PLCB1: variants seen among roughly 807,000 people sequenced by gnomAD.
The protein encoded by PLCB1 is phospholipase C beta 1, also known as 1-phosphatidylinositol 4,5-bisphosphate phosphodiesterase beta-1.
A neutral mutation model predicts 161.8 loss-of-function variants in PLCB1; 46 were observed. The observed-to-expected ratio is 0.28, with a 90% CI of 0.22 to 0.36. The LOEUF (loss-of-function observed/expected upper bound fraction) is 0.36. Ranked by LOEUF, PLCB1 falls within the 10% of genes least tolerant of loss-of-function variation. The pLI, the probability that PLCB1 is intolerant of heterozygous loss-of-function variation, is 1.00. For missense variants in PLCB1, 1,016 were observed against 1,472.5 expected, an observed-to-expected ratio of 0.69 and a Z score of 5.07; for synonymous variants, 517 against 503.7, an observed-to-expected ratio of 1.03 and a Z score of -0.35.
intron 31 of PLCB1, among the ~76,000 whole-genome samples, chr20:8,820,512 A>G (rs1985290120): frequency 6.6e-6 from 1 of 152,162 alleles, no homozygotes. Flanking sequence ...TGCATCTGGG[A>G]CAACTGTAAA....
At chr20:8,418,730 T>A (rs899116788) in intron 3 of PLCB1, among the ~76,000 whole-genome samples, 1 of 152,162 alleles carries the variant, frequency 6.6e-6, no homozygotes, top group African/African-American at 2.4e-5. Flanking sequence ...ATGGACTTAT[T>A]TAATGGTAGT....
intron 2 of PLCB1, among the ~76,000 whole-genome samples, chr20:8,305,149 GTTAA>G (rs1056875317): frequency 1.2e-4 from 18 of 152,114 alleles, no homozygotes; most frequent in African/African-American, 4.1e-4. Context: ...TAATTATGTT[GTTAA>G]TTAAGAACAC....
Position 8,371,385 on chromosome 20 carries a change from A to G in PLCB1, c.181A>G (p.Thr61Ala), listed in dbSNP as rs781721863. 9.3e-6 allele frequency: 15 copies of G among 1,611,500 alleles called. No individual in the cohort carries two copies. Among genetic ancestry groups the G allele is most frequent in the Non-Finnish European group, 1.2e-5 (14 of 1,178,240 alleles). The change falls in exon 3 of 32, where the codon ACA becomes GCA. Residue 61 changes from threonine (T) to alanine (A), a missense_variant. By Grantham distance (58) the Thr-to-Ala change is moderately conservative. Transcript: ENST00000338037. The stretch of plus-strand genomic sequence containing the variant: ...ATTTCACGTTTTTGCCTTCCAGGAG[A>G]CAGAGCTACTGGATCTCAGCCTTGT... ...FFYWTDQNKE[T>A]ELLDLSLVKD...
intron 12 of PLCB1, among the ~76,000 whole-genome samples, chr20:8,709,856 G>A (rs1978896989): frequency 6.6e-6 from 1 of 152,112 alleles, no homozygotes; most frequent in African/African-American, 2.4e-5. Context: ...ACGCTTCTGA[G>A]GGTCAAAGGA....
intron 3 of PLCB1, among the ~76,000 whole-genome samples, chr20:8,554,034 C>T (rs1985865836): frequency 6.7e-6 from 1 of 150,096 alleles, no homozygotes; most frequent in South Asian, 2.1e-4. Context: ...TTTAACTCCA[C>T]AAAAGTCATT....
chr20:8,662,896 A>C (rs1339727173), intron 9 of PLCB1, among the ~76,000 whole-genome samples: 2 of 152,004 alleles, frequency 1.3e-5, no homozygotes, highest in Non-Finnish European at 2.9e-5. Flanking sequence ...TACAGACTTT[A>C]AAACTTTAAA....
intron 3 of PLCB1, among the ~76,000 whole-genome samples, chr20:8,402,676 T>C (rs1455062195): frequency 1.1e-5 from 1 of 94,322 alleles, no homozygotes; most frequent in African/African-American, 4.1e-5. Context: ...CTACTAAAAA[T>C]ACAAAAAAAA....
At chr20:8,719,308 G>A (rs776371050) in intron 14 of PLCB1, among the ~76,000 whole-genome samples, 8 of 152,118 alleles carry the variant, frequency 5.3e-5, no homozygotes, top group South Asian at 2.1e-4. Context: ...CCATTCCTAG[G>A]TATATGCTTG....
At chr20:8,199,010 T>A (rs1200002570) in intron 2 of PLCB1, among the ~76,000 whole-genome samples, 1 of 151,246 alleles carries the variant, frequency 6.6e-6, no homozygotes, top group African/African-American at 2.4e-5. Context: ...ACATCTTAAT[T>A]TGCGGGAACA....
At chr20:8,457,683 C>T (rs1981377044) in intron 3 of PLCB1, among the ~76,000 whole-genome samples, 1 of 151,180 alleles carries the variant, frequency 6.6e-6, no homozygotes, top group Non-Finnish European at 1.5e-5. Context: ...TATTCAAAGT[C>T]ATCTCCTACT....
chr20:8,264,079 A>C (rs1364458354), intron 2 of PLCB1, among the ~76,000 whole-genome samples: 1 of 152,228 alleles, frequency 6.6e-6, no homozygotes, highest in Non-Finnish European at 1.5e-5. Context: ...CACATTGTAC[A>C]ACTGTACAAA....
rs1353692969 is a variant in PLCB1 at position 8,227,842 on chromosome 20, C to T, written c.177+77471C>T. Among the ~76,000 whole-genome samples the T allele has an allele frequency of 2.0e-5, 3 of 152,252 alleles. No homozygotes were observed. The East Asian group carries it at 5.8e-4, about 29-fold the overall frequency. On this transcript the variant is annotated intron_variant, in intron 2 of 31. Coordinates refer to ENST00000338037, the MANE Select transcript of PLCB1 (RefSeq NM_015192.4). ...TTAGCAAACTTTCTGGGAAAACCCA[C>T]TCAAAGAGATGACTTATTGATGCAT...
intron 26 of PLCB1, among the ~76,000 whole-genome samples, chr20:8,773,032 T>C (rs1380404467): frequency 6.6e-6 from 1 of 152,244 alleles, no homozygotes; most frequent in Non-Finnish European, 1.5e-5. Flanking sequence ...CCTTATAGAA[T>C]GTCCGTCCTC....
intron 2 of PLCB1, among the ~76,000 whole-genome samples, chr20:8,240,286 A>ACACACACACACACACACACG: frequency 1.9e-5 from 1 of 51,744 alleles, no homozygotes; most frequent in East Asian, 1.6e-3. Flanking sequence ...ATTGACACAC[A>ACACACACACACACACACACG]CACACACACA....
chr20:8,458,183 A>G (rs1981412620), intron 3 of PLCB1, among the ~76,000 whole-genome samples: 1 of 152,148 alleles, frequency 6.6e-6, no homozygotes, highest in Non-Finnish European at 1.5e-5. Context: ...AGAATAGGGA[A>G]GCTGGCAGTC....
intron 3 of PLCB1, among the ~76,000 whole-genome samples, chr20:8,610,840 T>G (rs1032673175): frequency 3.3e-5 from 5 of 152,106 alleles, no homozygotes; most frequent in African/African-American, 9.6e-5. Flanking sequence ...GAGTTTTAGC[T>G]CTTACATTTA....
At chr20:8,709,645 A>G (rs955770620) in intron 12 of PLCB1, among the ~76,000 whole-genome samples, 8 of 152,224 alleles carry the variant, frequency 5.3e-5, no homozygotes, top group African/African-American at 1.9e-4. Flanking sequence ...AGTTCACTAG[A>G]TCTTAAAGAT....
rs78679253 is a variant in PLCB1, at chr20:8,316,911, A to G, written c.178-54471A>G. ...TCTCTCATAAAAAATTTATTTATTT[A>G]TTATGTTTTATGTTGTTTGCCTACT... is the stretch of plus-strand genomic sequence containing the variant. On this transcript the variant is annotated intron_variant, in intron 2 of 31. Transcript: ENST00000338037. Among the ~76,000 whole-genome samples, 1,146 of 152,178 alleles carry G rather than the reference A, an allele frequency of 7.5e-3. 17 individuals are homozygous for G. Among genetic ancestry groups the G allele is most frequent in the African/African-American group, 0.026 (1,090 of 41,540 alleles).
At chr20:8,877,960 A>T (rs769605862) in intron 31 of PLCB1, among the ~76,000 whole-genome samples, 1 of 152,230 alleles carries the variant, frequency 6.6e-6, no homozygotes, top group Non-Finnish European at 1.5e-5. Flanking sequence ...ATTATAAATT[A>T]TTAAAAATCA....
Sources: gnomAD v4.1 joint callset for allele counts (sites outside exome capture counted in the v4.1 genomes callset) on GRCh38, gnomAD v4.1.1 for gene constraint, MANE v1.5 for transcripts, NCBI Gene and HGNC (gene_info 2026-07-23, HGNC 2026-07-21) for gene names.